POU6F2: variants seen among roughly 807,000 people sequenced by gnomAD.
POU6F2 encodes the protein POU class 6 homeobox 2.
In POU6F2, 31 loss-of-function variants were observed where a neutral mutation model predicts 71.3. The ratio of observed to expected loss-of-function variants is 0.43; its 90% CI spans 0.33 to 0.59. The LOEUF (loss-of-function observed/expected upper bound fraction) is 0.59. Ranked by LOEUF, POU6F2 falls within the 20% of genes least tolerant of loss-of-function variation. POU6F2 has a pLI of 0.04. For missense variants in POU6F2, 783 were observed against 856.8 expected (o/e 0.91, Z 1.07); for synonymous variants, 347 against 355.7 (o/e 0.98, Z 0.27).
rs1784547864 is a variant in POU6F2 at position 39,280,720 on chromosome 7, C to T, written c.599-58922C>T. Among the ~76,000 whole-genome samples, 2 of 152,108 alleles carry T rather than the reference C, an allele frequency of 1.3e-5. 1 individual carries two copies. Among genetic ancestry groups the T allele is most frequent in the South Asian group, 4.1e-4 (2 of 4,820 alleles). On this transcript the variant is annotated intron_variant, in intron 4 of 9. Coordinates refer to ENST00000518318, the MANE Select transcript of POU6F2 (RefSeq NM_001370959.1). ...AATGGAGGAAGAAAACTAATGCAAC[C>T]AAGATAATGCATAAGATAATGCAAC... is the stretch of plus-strand genomic sequence containing the variant.
Position 39,460,563 on chromosome 7 carries a change from G to T in POU6F2, c.1506G>T (p.Ala502=). ...TCTCCACAGATCCTCAAACGGCAGC[G>T]GGTGAGGTGGATGGGGTTAATCTGG... ...GQLVSNPQTA[A]GEVDGVNLEE... The change falls in exon 9 of 10, where the codon GCG becomes GCT. Residue 502 remains alanine (A), a synonymous_variant. Coordinates refer to ENST00000518318, the MANE Select transcript of POU6F2 (RefSeq NM_001370959.1). The surrounding 1 kb of genome is among the most constrained non-coding windows in gnomAD (Gnocchi z 4.4). 1 of 1,613,662 alleles carries T rather than the reference G, an allele frequency of 6.2e-7. No individual in the cohort carries two copies. Among genetic ancestry groups the T allele is most frequent in the South Asian group, 1.1e-5 (1 of 90,956 alleles).
chr7:39,452,653 T>A (rs1788688861), intron 8 of POU6F2, among the ~76,000 whole-genome samples: 1 of 152,240 alleles, frequency 6.6e-6, no homozygotes, highest in South Asian at 2.1e-4. Flanking sequence ...ATGGTTGCCA[T>A]GACCTCCCCG....
At chr7:39,101,670 T>C (rs1409017575) in intron 2 of POU6F2, among the ~76,000 whole-genome samples, 1 of 152,144 alleles carries the variant, frequency 6.6e-6, no homozygotes, top group African/African-American at 2.4e-5. Context: ...ATGGTAACTA[T>C]AGTTAATAAT....
chr7:39,149,941 A>G (rs920153038), intron 2 of POU6F2, among the ~76,000 whole-genome samples: 2 of 147,684 alleles, frequency 1.4e-5, no homozygotes, highest in Non-Finnish European at 3.0e-5. Context: ...GCTGGAGTGC[A>G]GTGGCACAAT....
chr7:39,134,676 C>T (rs983665301), intron 2 of POU6F2, among the ~76,000 whole-genome samples: 1 of 152,144 alleles, frequency 6.6e-6, no homozygotes, highest in African/African-American at 2.4e-5. Context: ...TTCTCCAATA[C>T]CCCACTCCAA....
intron 7 of POU6F2, among the ~76,000 whole-genome samples, chr7:39,439,483 T>G (rs1788337843): frequency 6.6e-6 from 1 of 152,102 alleles, no homozygotes; most frequent in Non-Finnish European, 1.5e-5. Flanking sequence ...GTGTTTTTGG[T>G]TTTTGTTTTT....
chr7:39,313,032 G>A (rs547365608), intron 4 of POU6F2, among the ~76,000 whole-genome samples: 33 of 150,704 alleles, frequency 2.2e-4, no homozygotes, highest in African/African-American at 6.9e-4. Flanking sequence ...CCCAGAGAAC[G>A]CAGCAATATT....
At chr7:39,334,929 G>A (rs1463921734) in intron 4 of POU6F2, among the ~76,000 whole-genome samples, 1 of 152,138 alleles carries the variant, frequency 6.6e-6, no homozygotes, top group Non-Finnish European at 1.5e-5. Flanking sequence ...TCTGGGAGTT[G>A]CTTCCCCCAG....
intron 1 of POU6F2, among the ~76,000 whole-genome samples, chr7:39,011,149 G>A (rs1789270427): frequency 7.2e-6 from 1 of 139,084 alleles, no homozygotes; most frequent in African/African-American, 2.7e-5. Flanking sequence ...TTATTAATGT[G>A]TGGGAGTCTA....
intron 4 of POU6F2, among the ~76,000 whole-genome samples, chr7:39,247,812 A>G (rs1783847857): frequency 6.6e-6 from 1 of 152,218 alleles, no homozygotes; most frequent in African/African-American, 2.4e-5. Context: ...TTAATGGTCA[A>G]CTGTAACACA....
chr7:39,313,573 A>G (rs1443609161), intron 4 of POU6F2, among the ~76,000 whole-genome samples: 3 of 152,150 alleles, frequency 2.0e-5, no homozygotes, highest in Admixed American at 6.5e-5. Context: ...TAGTGAATAA[A>G]TAAATCAGGG....
intron 2 of POU6F2, among the ~76,000 whole-genome samples, chr7:39,189,729 T>C (rs2128742977): frequency 6.6e-6 from 1 of 152,192 alleles, no homozygotes; most frequent in South Asian, 2.1e-4. Flanking sequence ...TCATTTTTCC[T>C]ACCTCCTGCA....
intron 4 of POU6F2, among the ~76,000 whole-genome samples, chr7:39,307,984 G>C (rs1785079707): frequency 6.6e-6 from 1 of 151,926 alleles, no homozygotes; most frequent in Non-Finnish European, 1.5e-5. Flanking sequence ...GTAAGATTTA[G>C]AAGAATATTT....
At chr7:39,383,656 G>A (rs1263499589) in intron 5 of POU6F2, among the ~76,000 whole-genome samples, 1 of 152,144 alleles carries the variant, frequency 6.6e-6, no homozygotes, top group African/African-American at 2.4e-5. Flanking sequence ...GCATGAAGGT[G>A]TCCACAATCA....
chr7:39,380,906 G>C (rs1185474994), intron 5 of POU6F2, among the ~76,000 whole-genome samples: 1 of 152,164 alleles, frequency 6.6e-6, no homozygotes, highest in African/African-American at 2.4e-5. Context: ...AGTGGGCCCA[G>C]GTAGAAGCAC....
intron 1 of POU6F2, among the ~76,000 whole-genome samples, chr7:39,045,315 A>G (rs1790270042): frequency 6.6e-6 from 1 of 151,908 alleles, no homozygotes; most frequent in African/African-American, 2.4e-5. Context: ...AGCTTCCTAT[A>G]TAAAAGCCTG....
At chr7:39,189,376 G>GTGTTTGTTTGTT (rs58113907) in intron 2 of POU6F2, among the ~76,000 whole-genome samples, 4 of 151,142 alleles carry the variant, frequency 2.6e-5, no homozygotes, top group South Asian at 2.1e-4. Context: ...TTTTGTTTGT[G>GTGTTTGTTTGTT]TGTTTGTTTG....
chr7:39,239,847 C>A (rs779454507), intron 4 of POU6F2, among the ~76,000 whole-genome samples: 46 of 152,086 alleles, frequency 3.0e-4, no homozygotes, highest in Non-Finnish European at 6.0e-4. Flanking sequence ...TATAAACCTT[C>A]CCTTGAGCAA....
At chr7:39,245,912 C>T (rs1367965885) in intron 4 of POU6F2, among the ~76,000 whole-genome samples, 1 of 152,120 alleles carries the variant, frequency 6.6e-6, no homozygotes, top group Non-Finnish European at 1.5e-5. Flanking sequence ...GCAGCAAAGT[C>T]CAGATGGCAT....
Sources: gnomAD v4.1 joint callset for allele counts (sites outside exome capture counted in the v4.1 genomes callset) on GRCh38, gnomAD v4.1.1 for gene constraint, Gnocchi (gnomAD v3.1) non-coding constraint, MANE v1.5 for transcripts, NCBI Gene and HGNC (gene_info 2026-07-23, HGNC 2026-07-21) for gene names.